Variants in LHFPL2 observed in about 807,000 individuals in gnomAD.
The protein encoded by LHFPL2 is LHFPL tetraspan subfamily member 2.
A neutral mutation model predicts 17.5 loss-of-function variants in LHFPL2; 7 were observed. The observed-to-expected ratio is 0.40, with a 90% CI of 0.23 to 0.75. The LOEUF (loss-of-function observed/expected upper bound fraction) is 0.75. LHFPL2 is among the 30% of genes least tolerant of loss of function. The pLI, the probability that LHFPL2 is intolerant of heterozygous loss-of-function variation, is 0.37. For missense variants in LHFPL2, 241 were observed against 294.8 expected (o/e 0.82, Z 1.34); for synonymous variants, 134 against 116.2 (o/e 1.15, Z -0.99).
intron 2 of LHFPL2, among the ~76,000 whole-genome samples, chr5:78,617,774 C>T (rs1397486629): frequency 1.3e-5 from 2 of 152,116 alleles, no homozygotes; most frequent in Admixed American, 1.3e-4. Context: ...AACAACTCCA[C>T]TTTTTAAAAA....
In LHFPL2 at chr5:78,584,995, G is replaced by GTTTTT. The variant is rs1163195083; in HGVS notation, c.-244-20129_-244-20125dup. ...GGGATATAATCTCCTGGTGCGCTGT[G>GTTTTT]TTTTTTTTTTTTTTTTTTTTTTTTT... On this transcript the variant is annotated intron_variant, in intron 2 of 4. Coordinates refer to ENST00000380345, the MANE Select transcript of LHFPL2 (RefSeq NM_005779.3). Among the ~76,000 whole-genome samples the GTTTTT allele has an allele frequency of 1.2e-4, 5 of 40,526 alleles. 1 individual carries two copies. Among genetic ancestry groups the GTTTTT allele is most frequent in the Non-Finnish European group, 1.7e-4 (3 of 17,580 alleles). 26.6% of individuals were successfully genotyped at this position (40,526 alleles called of 152,430 possible).
intron 2 of LHFPL2, among the ~76,000 whole-genome samples, chr5:78,576,755 T>C (rs1354161076): frequency 6.6e-6 from 1 of 151,940 alleles, no homozygotes; most frequent in Non-Finnish European, 1.5e-5. Context: ...TGACAATCTT[T>C]TTTTGTTTGT....
At chr5:78,560,105 A>G (rs374502523) in intron 3 of LHFPL2, among the ~76,000 whole-genome samples, 1 of 152,232 alleles carries the variant, frequency 6.6e-6, no homozygotes, top group South Asian at 2.1e-4. Context: ...CCAACTACAG[A>G]GGAACAGAAT....
chr5:78,576,476 C>A (rs981563882), intron 2 of LHFPL2, among the ~76,000 whole-genome samples: 3 of 152,120 alleles, frequency 2.0e-5, no homozygotes, highest in Non-Finnish European at 4.4e-5. Context: ...CCTAAAAAAA[C>A]AAGTCCTCCC....
At chr5:78,511,012 TAAACA>T (rs928843470) in intron 3 of LHFPL2, among the ~76,000 whole-genome samples, 9 of 151,900 alleles carry the variant, frequency 5.9e-5, no homozygotes, top group African/African-American at 1.9e-4. Flanking sequence ...TGTAAAAGAA[TAAACA>T]AAACATTGCT....
At chr5:78,520,495 T>C (rs2112340823) in intron 3 of LHFPL2, among the ~76,000 whole-genome samples, 1 of 152,320 alleles carries the variant, frequency 6.6e-6, no homozygotes, top group Admixed American at 6.5e-5. Context: ...TCTCCCAGAC[T>C]AGAGGCTCCT....
intron 3 of LHFPL2, among the ~76,000 whole-genome samples, chr5:78,561,153 T>C (rs185945976): frequency 2.5e-4 from 38 of 152,348 alleles, no homozygotes; most frequent in South Asian, 1.0e-3. Flanking sequence ...TCAGGAATAA[T>C]TGATCTGGTT....
intron 3 of LHFPL2, among the ~76,000 whole-genome samples, chr5:78,540,543 A>G (rs1756080255): frequency 6.6e-6 from 1 of 152,218 alleles, no homozygotes. Context: ...TAGGGCCACC[A>G]GCAGGAACTG....
At chr5:78,510,763 A>AG (rs1461631434) in intron 3 of LHFPL2, among the ~76,000 whole-genome samples, 1 of 152,184 alleles carries the variant, frequency 6.6e-6, no homozygotes, top group Non-Finnish European at 1.5e-5. Context: ...AGGGATCCAG[A>AG]GAGGAGGAGG....
rs1580737445 is a variant in LHFPL2 at position 78,490,031 on chromosome 5, A to G, written c.431-878T>C. On this transcript the variant is annotated intron_variant, in intron 4 of 4. Transcript: ENST00000380345. ...TGATTGTTAGTGCTTTAAGTAAGCC[A>G]GATGTTTCTGTATTTATATACACAT... Among the ~76,000 whole-genome samples the G allele has an allele frequency of 2.0e-5, 3 of 152,376 alleles. No homozygotes were observed. The East Asian group carries it at 5.8e-4, about 29-fold the overall frequency.
chr5:78,505,549 C>G (rs906374929), intron 4 of LHFPL2, among the ~76,000 whole-genome samples: 7 of 152,200 alleles, frequency 4.6e-5, no homozygotes, highest in African/African-American at 7.2e-5. Context: ...TGAGGACACC[C>G]CTGGTTACAC....
intron 3 of LHFPL2, among the ~76,000 whole-genome samples, chr5:78,513,785 A>G (rs7720310): frequency 0.89 from 135,890 of 152,230 alleles, 60,853 homozygotes; most frequent in African/African-American, 0.95. Flanking sequence ...CATGCCTTTC[A>G]CCTTCAGCCA....
rs990117843 is a variant in LHFPL2 at position 78,644,270 on chromosome 5, TTCA to T, written c.-350+4226_-350+4228del. On this transcript the variant is annotated intron_variant, in intron 1 of 4. Coordinates refer to ENST00000380345, the MANE Select transcript of LHFPL2 (RefSeq NM_005779.3). ...AAAAAACTGTGCTAGAACCAACTTA[TTCA>T]TCATCATCTTCATCTTCCTCCTCTT... The T allele has an allele frequency of 3.1e-5, 25 of 817,476 alleles. No homozygotes were observed. In the Admixed American group the frequency reaches 4.9e-4, roughly 16 times the overall value. 50.6% of individuals were successfully genotyped at this position (817,476 alleles called of 1,614,324 possible).
intron 3 of LHFPL2, among the ~76,000 whole-genome samples, chr5:78,517,106 C>A (rs978069125): frequency 1.3e-5 from 2 of 152,214 alleles, no homozygotes; most frequent in Non-Finnish European, 2.9e-5. Context: ...AAGGACCCTA[C>A]AAGGTAGACC....
chr5:78,489,053 T>C lies in LHFPL2; in HGVS notation c.531A>G (p.Gly177=), dbSNP rs762302140. The change falls in exon 5 of 5, where the codon GGA becomes GGG. Residue 177 remains glycine, a synonymous_variant. Transcript: ENST00000380345. ...CGHYASAYKP[G]DCSLGWAFYT... ...AAAAGGCCCAGCCCAAGGAGCAGTC[T>C]CCAGGTTTGTAGGCAGATGCATAAT... 2.5e-6 allele frequency: 4 copies of C among 1,614,106 alleles called. No individual in the cohort carries two copies. Among genetic ancestry groups the C allele is most frequent in the East Asian group, 2.2e-5 (1 of 44,888 alleles).
intron 1 of LHFPL2, among the ~76,000 whole-genome samples, chr5:78,647,490 C>G (rs1447351693): frequency 6.6e-6 from 1 of 152,198 alleles, no homozygotes; most frequent in Non-Finnish European, 1.5e-5. Flanking sequence ...TTTCCTCCCT[C>G]GGCTCCAGCA....
intron 1 of LHFPL2, among the ~76,000 whole-genome samples, chr5:78,640,527 A>T (rs2112527035): frequency 6.6e-6 from 1 of 152,356 alleles, no homozygotes; most frequent in South Asian, 2.1e-4. Context: ...CATGGATATC[A>T]AGCAATGTAT....
At chr5:78,630,908 C>G (rs1333487594) in intron 2 of LHFPL2, among the ~76,000 whole-genome samples, 2 of 152,156 alleles carry the variant, frequency 1.3e-5, no homozygotes, top group East Asian at 1.9e-4. Context: ...ATTCAGCCAC[C>G]CGGCAGCTCC....
At position 78,486,756 on chromosome 5, in the gene LHFPL2, A is replaced by C. The variant is rs2112276956; in HGVS notation, c.*2141T>G. 6.6e-6 allele frequency: 1 copy of C among 152,302 alleles called. No individual in the cohort carries two copies. Among genetic ancestry groups the C allele is most frequent in the Middle Eastern group, 3.4e-3 (1 of 294 alleles). The allele number at this position is 152,302 out of a possible 1,614,324, so 9.4% of individuals were successfully genotyped here. On this transcript the variant is annotated 3_prime_UTR_variant, in exon 5 of 5. Coordinates refer to ENST00000380345, the MANE Select transcript of LHFPL2 (RefSeq NM_005779.3). ...TGTTCCCAGGTTGATCTAGAGGTACACTGCCACCTTAGCCAAAGAGCAGGT... is the reference window on the plus strand; with the variant it reads ...TGTTCCCAGGTTGATCTAGAGGTACCCTGCCACCTTAGCCAAAGAGCAGGT...
Sources: gnomAD v4.1 joint callset for allele counts (sites outside exome capture counted in the v4.1 genomes callset) on GRCh38, gnomAD v4.1.1 for gene constraint, MANE v1.5 for transcripts, NCBI Gene and HGNC (gene_info 2026-07-23, HGNC 2026-07-21) for gene names.